The following PATJ variants were observed in gnomAD, a reference collection of about 807,000 sequenced individuals.
The protein encoded by PATJ is inaD-like protein.
Under a neutral mutation model 224.9 loss-of-function variants are expected in PATJ, and 190 were observed. The observed-to-expected ratio is 0.84, with a 90% CI of 0.75 to 0.95. The LOEUF is 0.95. Among genes scored for constraint, PATJ ranks in the 40% least tolerant of loss-of-function variants. The probability of loss-of-function intolerance (pLI) is 0.00; values close to 1 mark genes in which losing one functional copy is unlikely to be tolerated. For missense variants in PATJ, 2,121 were observed against 2,270.3 expected (o/e 0.93, Z 1.34); for synonymous variants, 769 against 820.3 (o/e 0.94, Z 1.07).
intron 39 of PATJ, among the ~76,000 whole-genome samples, chr1:62,125,236 C>CAAAAAAAAAAAACAA (rs1665550296): frequency 3.6e-5 from 1 of 27,736 alleles, no homozygotes; most frequent in Non-Finnish European, 6.8e-5. Flanking sequence ...AACCCTGTCT[C>CAAAAAAAAAAAACAA]AAAAAAAAAA....
At position 61,795,494 on chromosome 1, in the gene PATJ, G is replaced by A; in HGVS notation, c.1196G>A (p.Ser399Asn). The A allele has an allele frequency of 6.2e-7, 1 of 1,607,966 alleles. No individual in the cohort carries two copies. The highest frequency in any genetic ancestry group is 8.5e-7 in the Non-Finnish European group (1 of 1,175,770). ...TGEASGIYVK[S>N]IIPGSAAYHN... ...GAAGCTTCAGGGATTTATGTGAAAA[G>A]TATAATACCTGGCAGTGCTGCGTAC... Residue 399 changes from serine (S) to asparagine (N), a missense_variant, in exon 10 of 44, where the codon AGT (serine) becomes AAT (asparagine). Coordinates refer to ENST00000642238, the MANE Select transcript of PATJ (RefSeq NM_001350145.3).
intron 27 of PATJ, among the ~76,000 whole-genome samples, chr1:61,961,280 T>C (rs190304222): frequency 5.9e-5 from 9 of 152,284 alleles, no homozygotes; most frequent in Admixed American, 3.9e-4. Context: ...CCTTGTGCAG[T>C]GTACATACTG....
chr1:61,839,201 A>G (rs1322298483), intron 17 of PATJ, among the ~76,000 whole-genome samples: 1 of 151,682 alleles, frequency 6.6e-6, no homozygotes, highest in Non-Finnish European at 1.5e-5. Context: ...TGCTATTTCC[A>G]TGTGCATTTT....
At chr1:62,148,470 C>A in intron 42 of PATJ, 80 bp downstream of exon 42, 1 of 997,820 alleles carries the variant, frequency 1.0e-6, no homozygotes, top group Non-Finnish European at 1.6e-6. Flanking sequence ...CAAGTGCACT[C>A]TAAAGGAGAA....
chr1:61,808,214 G>A (rs1391668861), intron 13 of PATJ, among the ~76,000 whole-genome samples: 1 of 152,048 alleles, frequency 6.6e-6, no homozygotes. Context: ...TTTAAAAATA[G>A]TATATATATG....
intron 21 of PATJ, 43 bp downstream of exon 21, chr1:61,875,409 T>C: frequency 1.3e-6 from 2 of 1,542,418 alleles, no homozygotes; most frequent in Non-Finnish European, 1.8e-6. Context: ...TACATTATTT[T>C]GCAAGCTTTC....
At chr1:62,156,407 G>T (rs1047508863) in intron 43 of PATJ, among the ~76,000 whole-genome samples, 5 of 151,790 alleles carry the variant, frequency 3.3e-5, no homozygotes, top group African/African-American at 1.2e-4. Context: ...ACAGGCACCT[G>T]TAATCCCAGC....
chr1:61,937,831 G>A (rs931821346), intron 27 of PATJ, among the ~76,000 whole-genome samples: 2 of 151,948 alleles, frequency 1.3e-5, no homozygotes, highest in Non-Finnish European at 2.9e-5. Context: ...TGTGTTTTTA[G>A]TAGCGATAGG....
In PATJ at chr1:61,829,857, A is replaced by G. The variant is rs1360437660; in HGVS notation, c.1980+2274A>G. Among the ~76,000 whole-genome samples the G allele has an allele frequency of 7.2e-5, 11 of 152,310 alleles. No individual in the cohort carries two copies. In the East Asian group the frequency reaches 2.1e-3, roughly 29 times the overall value. On this transcript the variant is annotated intron_variant, in intron 16 of 43. Coordinates refer to ENST00000642238, the MANE Select transcript of PATJ (RefSeq NM_001350145.3). ...TAAATGCCCCAGTAAAACATCAATC[A>G]TGTTGTATTAGCCATTGGAACTTTA...
At chr1:62,098,872 T>G (rs555148943) in intron 33 of PATJ, among the ~76,000 whole-genome samples, 2 of 152,310 alleles carry the variant, frequency 1.3e-5, no homozygotes, top group East Asian at 3.9e-4. Flanking sequence ...ATTCAAATTT[T>G]TTTTATTTTT....
chr1:61,859,799 T>C (rs1395015671), intron 18 of PATJ, among the ~76,000 whole-genome samples: 2 of 152,128 alleles, frequency 1.3e-5, no homozygotes, highest in African/African-American at 4.8e-5. Flanking sequence ...TTTGTATTTT[T>C]AGTAGAGACA....
chr1:61,758,642 C>T (rs759409561), intron 1 of PATJ, among the ~76,000 whole-genome samples: 6 of 152,152 alleles, frequency 3.9e-5, no homozygotes, highest in Non-Finnish European at 8.8e-5. Context: ...CCACCACGCC[C>T]GGCCCTACTG....
At chr1:61,839,504 A>G (rs919860445) in intron 17 of PATJ, among the ~76,000 whole-genome samples, 24 of 152,106 alleles carry the variant, frequency 1.6e-4, no homozygotes, top group African/African-American at 5.8e-4. Context: ...GTAGTCCAAG[A>G]GTCTGTAATT....
intron 4 of PATJ, 48 bp from the exon 5 acceptor site, chr1:61,769,235 T>C: frequency 6.4e-7 from 1 of 1,570,784 alleles, no homozygotes; most frequent in Non-Finnish European, 8.6e-7. Context: ...CAGAGTATGT[T>C]GGCTAAATGT....
chr1:62,094,481 G>C (rs1367641965), intron 33 of PATJ, among the ~76,000 whole-genome samples: 3 of 151,036 alleles, frequency 2.0e-5, no homozygotes, highest in African/African-American at 7.3e-5. Flanking sequence ...CTGGGCTCAA[G>C]CAATCCTCCT....
intron 41 of PATJ, among the ~76,000 whole-genome samples, chr1:62,133,583 A>G (rs1313125920): frequency 6.6e-6 from 1 of 152,180 alleles, no homozygotes; most frequent in Non-Finnish European, 1.5e-5. Flanking sequence ...CGTCTCGAGA[A>G]AAAAGAATAG....
intron 6 of PATJ, among the ~76,000 whole-genome samples, chr1:61,772,997 C>A (rs1329018291): frequency 6.6e-6 from 1 of 152,088 alleles, no homozygotes; most frequent in Admixed American, 6.6e-5. Context: ...AGTAGATGTT[C>A]TAGACATGAA....
intron 33 of PATJ, among the ~76,000 whole-genome samples, chr1:62,094,182 G>A (rs1661107719): frequency 6.6e-6 from 1 of 151,950 alleles, no homozygotes; most frequent in East Asian, 1.9e-4. Context: ...ATCAGTTGAG[G>A]CCCAGAGTTC....
chr1:61,940,063 T>A (rs1184755591), intron 27 of PATJ, among the ~76,000 whole-genome samples: 1 of 152,132 alleles, frequency 6.6e-6, no homozygotes, highest in African/African-American at 2.4e-5. Flanking sequence ...TAGATATATA[T>A]CTCTACAAAG....
Sources: allele counts gnomAD v4.1 joint callset (sites outside exome capture counted in the v4.1 genomes callset), GRCh38; gene constraint gnomAD v4.1.1; transcripts MANE v1.5; gene names NCBI Gene and HGNC (gene_info 2026-07-23, HGNC 2026-07-21).